The following WDR70 variants were observed in gnomAD, a reference collection of about 807,000 sequenced individuals.
WDR70 encodes WD repeat domain 70, also known as WD repeat-containing protein 70.
A neutral mutation model predicts 88.6 loss-of-function variants in WDR70; 53 were observed. The observed-to-expected ratio is 0.60, with a 90% CI of 0.48 to 0.75. WDR70 has a LOEUF of 0.75. WDR70 is among the 30% of genes least tolerant of loss of function. WDR70 has a pLI of 0.00. For missense variants in WDR70, 610 were observed against 823.2 expected, an observed-to-expected ratio of 0.74 and a Z score of 3.17; for synonymous variants, 280 against 270.0, an observed-to-expected ratio of 1.04 and a Z score of -0.36.
intron 9 of WDR70, among the ~76,000 whole-genome samples, chr5:37,591,288 A>T (rs974729654): frequency 6.6e-6 from 1 of 151,840 alleles, no homozygotes; most frequent in Non-Finnish European, 1.5e-5. Context: ...AGCCGAGATC[A>T]CACCACTGCA....
rs367661013 is a variant in WDR70 at position 37,721,154 on chromosome 5, A to G, written c.1456A>G (p.Ile486Val). 23 of 1,613,650 alleles carry G rather than the reference A, an allele frequency of 1.4e-5. No individual in the cohort carries two copies. The highest frequency in any genetic ancestry group is 2.7e-5 in the African/African-American group (2 of 74,904). ...RCLWHPKLNQ[I>V]MVGTGNGLAK... ...CCTGTGGCATCCAAAGCTGAACCAGATCATGGTTGGAACTGGAAATGGATT... is the reference window on the plus strand; with the variant it reads ...CCTGTGGCATCCAAAGCTGAACCAGGTCATGGTTGGAACTGGAAATGGATT... Residue 486 changes from isoleucine to valine, a missense_variant, in exon 14 of 18, where the codon ATC becomes GTC. Coordinates refer to ENST00000265107, the MANE Select transcript of WDR70 (RefSeq NM_018034.4).
intron 9 of WDR70, among the ~76,000 whole-genome samples, chr5:37,572,232 A>G (rs1195400972): frequency 6.6e-6 from 1 of 152,062 alleles, no homozygotes; most frequent in Non-Finnish European, 1.5e-5. Context: ...GGAGAAATAC[A>G]CTGTGTAAGC....
In WDR70 at chr5:37,638,173, G is replaced by C. The variant is rs370907425; in HGVS notation, c.1092+32935G>C. On this transcript the variant is annotated intron_variant, in intron 10 of 17. Transcript: ENST00000265107. ...TATACTGCAGTTGAGAATGCCATCT[G>C]ATCTGTATCCCTATACAAAAAGTTT... is the stretch of plus-strand genomic sequence containing the variant. Among the ~76,000 whole-genome samples, 34 of 152,222 alleles carry C rather than the reference G, an allele frequency of 2.2e-4. No individual in the cohort carries two copies. In the South Asian group the frequency reaches 6.9e-3, roughly 31 times the overall value.
chr5:37,445,891 G>A (rs1460635799), intron 7 of WDR70, among the ~76,000 whole-genome samples: 2 of 152,182 alleles, frequency 1.3e-5, no homozygotes, highest in African/African-American at 2.4e-5. Flanking sequence ...AGACAGGGAT[G>A]CCCTCTCTCA....
intron 10 of WDR70, among the ~76,000 whole-genome samples, chr5:37,672,431 G>C (rs1375356492): frequency 3.3e-5 from 5 of 152,124 alleles, no homozygotes; most frequent in Non-Finnish European, 5.9e-5. Flanking sequence ...AAACCCGCTC[G>C]TACATTCGTT....
chr5:37,517,142 G>A (rs183218343), intron 9 of WDR70, among the ~76,000 whole-genome samples: 5 of 152,306 alleles, frequency 3.3e-5, no homozygotes, highest in Admixed American at 3.3e-4. Flanking sequence ...GGTTGGATCA[G>A]ATTGATGCTA....
chr5:37,698,784 C>T (rs1747058686), intron 11 of WDR70, among the ~76,000 whole-genome samples: 1 of 152,120 alleles, frequency 6.6e-6, no homozygotes, highest in African/African-American at 2.4e-5. Flanking sequence ...TCCTTTTACC[C>T]TGGGGAACTC....
chr5:37,718,279 A>G (rs1242090056), intron 13 of WDR70, among the ~76,000 whole-genome samples: 1 of 152,064 alleles, frequency 6.6e-6, no homozygotes, highest in Non-Finnish European at 1.5e-5. Context: ...TCTCTCTAAC[A>G]TTTACACCCT....
chr5:37,581,351 A>G (rs1743212282), intron 9 of WDR70, among the ~76,000 whole-genome samples: 1 of 152,196 alleles, frequency 6.6e-6, no homozygotes, highest in Admixed American at 6.5e-5. Flanking sequence ...TTCTCATCCA[A>G]TTCTTTAAAA....
At chr5:37,672,757 T>C (rs1190214334) in intron 10 of WDR70, among the ~76,000 whole-genome samples, 1 of 152,114 alleles carries the variant, frequency 6.6e-6, no homozygotes, top group Non-Finnish European at 1.5e-5. Context: ...AGGTCCTCCA[T>C]ATGCTGAGCG....
chr5:37,724,854 C>G (rs1747925924), intron 15 of WDR70, 80 bp from the exon 16 acceptor site: 3 of 1,230,772 alleles, frequency 2.4e-6, no homozygotes, highest in Admixed American at 1.7e-5. Context: ...TTTCATCTTT[C>G]AGTTAGTCAT....
chr5:37,460,433 C>T (rs1738952151), intron 7 of WDR70, among the ~76,000 whole-genome samples: 2 of 28,464 alleles, frequency 7.0e-5, no homozygotes, highest in African/African-American at 1.8e-4. Context: ...AGTAAACTAT[C>T]GCAAGAACAA....
At chr5:37,604,039 T>G (rs1743962665) in intron 9 of WDR70, among the ~76,000 whole-genome samples, 1 of 152,204 alleles carries the variant, frequency 6.6e-6, no homozygotes, top group Non-Finnish European at 1.5e-5. Context: ...CAATTTATTT[T>G]TTAAAGAGAT....
chr5:37,483,935 G>T (rs560151515), intron 8 of WDR70, among the ~76,000 whole-genome samples: 2 of 151,996 alleles, frequency 1.3e-5, no homozygotes, highest in Non-Finnish European at 1.5e-5. Context: ...GCCGGGCAGA[G>T]GCGCTCCTCA....
chr5:37,604,981 C>A, intron 9 of WDR70, 83 bp from the exon 10 acceptor site: 1 of 1,309,882 alleles, frequency 7.6e-7, no homozygotes, highest in South Asian at 2.0e-5. Flanking sequence ...GCGAAGCAGT[C>A]TTTATGGACT....
intron 10 of WDR70, among the ~76,000 whole-genome samples, chr5:37,666,467 G>T (rs1271689115): frequency 6.6e-6 from 1 of 152,188 alleles, no homozygotes; most frequent in Non-Finnish European, 1.5e-5. Flanking sequence ...TGTGCTTATG[G>T]ACTCAGTTTA....
At chr5:37,716,956 T>TAA (rs1747670997) in intron 13 of WDR70, among the ~76,000 whole-genome samples, 1 of 152,260 alleles carries the variant, frequency 6.6e-6, no homozygotes, top group African/African-American at 2.4e-5. Flanking sequence ...ACCCCTCTCT[T>TAA]TTTTCTTTGG....
intron 9 of WDR70, among the ~76,000 whole-genome samples, chr5:37,592,530 A>G (rs995635883): frequency 1.3e-5 from 2 of 152,270 alleles, no homozygotes; most frequent in African/African-American, 4.8e-5. Flanking sequence ...ACTGTTACAC[A>G]GTAGCAACAA....
intron 17 of WDR70, among the ~76,000 whole-genome samples, chr5:37,739,587 G>A (rs1469668508): frequency 6.6e-6 from 1 of 150,728 alleles, no homozygotes; most frequent in East Asian, 1.9e-4. Flanking sequence ...TGTTTTTAGT[G>A]TCTATTTGAT....
Sources: gnomAD v4.1 joint callset for allele counts (sites outside exome capture counted in the v4.1 genomes callset) on GRCh38, gnomAD v4.1.1 for gene constraint, MANE v1.5 for transcripts, NCBI Gene and HGNC (gene_info 2026-07-23, HGNC 2026-07-21) for gene names.